The following PARP6 variants were observed in gnomAD, a reference collection of about 807,000 sequenced individuals.
The protein encoded by PARP6 is poly(ADP-ribose) polymerase family member 6, also known as protein mono-ADP-ribosyltransferase PARP6.
In PARP6, 27 loss-of-function variants were observed where a neutral mutation model predicts 92.0. The observed-to-expected ratio is 0.29, with a 90% confidence interval of 0.22 to 0.40. The LOEUF (loss-of-function observed/expected upper bound fraction) is 0.40, where lower values mean the gene tolerates loss of function less well. PARP6 is among the 10% of genes least tolerant of loss of function. PARP6 has a pLI of 1.00. For missense variants in PARP6, 501 were observed against 784.5 expected, an observed-to-expected ratio of 0.64 and a Z score of 4.32; for synonymous variants, 272 against 281.2, an observed-to-expected ratio of 0.97 and a Z score of 0.33.
intron 6 of PARP6, 41 bp from the exon 7 acceptor site, chr15:72,265,212 G>T: frequency 7.1e-7 from 1 of 1,404,958 alleles, no homozygotes; most frequent in Non-Finnish European, 1.0e-6. Flanking sequence ...TAGCAACATA[G>T]ACGAATGGAC....
rs887113801 is a variant in PARP6, at chr15:72,241,529, T to C, written c.1819A>G (p.Asn607Asp). The change falls in exon 24 of 24, where the codon AAC becomes GAC. Residue 607 changes from asparagine to aspartate, a missense_variant. Asn to Asp is a conservative substitution (Grantham distance 23). Around this residue, in one of 4 missense-constraint regions of PARP6, gnomAD observed 191 missense variants for 399.1 expected, o/e 0.48. Transcript: ENST00000569795. This position sits in a 1 kb window ranked among gnomAD's most constrained non-coding sequence, Gnocchi z 4.1. Reference protein sequence around the residue: ...VYEDGQVGDANINTQDPKIQK... With the variant: ...VYEDGQVGDADINTQDPKIQK... Reference sequence around the variant, plus strand: ...ATCTTGGGGTCCTGAGTATTAATGTTGGCATCGCCCACCTGACCATCCTCA... The same window carrying C: ...ATCTTGGGGTCCTGAGTATTAATGTCGGCATCGCCCACCTGACCATCCTCA... 4 of 1,613,906 alleles carry C rather than the reference T, an allele frequency of 2.5e-6. No homozygotes were observed. In the African/African-American group the frequency reaches 4.0e-5, roughly 16 times the overall value.
intron 20 of PARP6, among the ~76,000 whole-genome samples, chr15:72,246,067 AT>A (rs2083565407): frequency 6.6e-6 from 1 of 152,234 alleles, no homozygotes; most frequent in Non-Finnish European, 1.5e-5. Flanking sequence ...ACAGAGTAAG[AT>A]TCACTCATAT....
intron 7 of PARP6, 22 bp from the exon 8 acceptor site, chr15:72,264,643 A>G (rs1320168873): frequency 1.3e-6 from 2 of 1,592,578 alleles, no homozygotes; most frequent in Non-Finnish European, 1.7e-6. Context: ...AGAGAAGGCT[A>G]CTAGTAAGTA....
intron 15 of PARP6, chr15:72,253,939 A>G (rs910062844): frequency 6.4e-5 from 28 of 439,828 alleles, no homozygotes; most frequent in African/African-American, 5.6e-4. Flanking sequence ...ATTTGCTGAG[A>G]AGAGGCCCAC....
chr15:72,260,409 A>G, intron 10 of PARP6, 69 bp downstream of exon 10: 1 of 1,302,894 alleles, frequency 7.7e-7, no homozygotes. Flanking sequence ...CCATTTTGAG[A>G]AACTACACTC....
chr15:72,265,319 C>T, intron 6 of PARP6, 94 bp downstream of exon 6: 1 of 1,169,448 alleles, frequency 8.6e-7, no homozygotes, highest in Non-Finnish European at 1.3e-6. Flanking sequence ...ATATGTGCTC[C>T]AAATACAGCA....
At chr15:72,271,831 T>C (rs568814931) in intron 1 of PARP6, among the ~76,000 whole-genome samples, 1 of 152,332 alleles carries the variant, frequency 6.6e-6, no homozygotes, top group South Asian at 2.1e-4. Flanking sequence ...CAGCGGCTAA[T>C]ATAGAACGCT....
chr15:72,250,708 C>T, intron 18 of PARP6, 137 bp downstream of exon 18: 2 of 625,116 alleles, frequency 3.2e-6, no homozygotes, highest in Non-Finnish European at 5.8e-6. Context: ...TCTATAGCAC[C>T]TACCACAATA....
In PARP6 at chr15:72,263,880, G is replaced by A. The variant is rs961240764; in HGVS notation, c.395+675C>T. Among the ~76,000 whole-genome samples the A allele has an allele frequency of 9.2e-5, 14 of 152,014 alleles. 1 individual carries two copies. The highest frequency in any genetic ancestry group is 6.2e-4 in the South Asian group (3 of 4,808). ...TCTACTAAAAATACAAAAATTAGCC[G>A]GGCATGGTGGTGGGTGACTGTAATC... On this transcript the variant is annotated intron_variant, in intron 8 of 23. Coordinates refer to ENST00000569795, the MANE Select transcript of PARP6 (RefSeq NM_001323532.2).
Position 72,256,535 on chromosome 15 carries a change from C to T in PARP6, c.1055G>A (p.Ser352Asn). The T allele has an allele frequency of 6.3e-7, 1 of 1,596,382 alleles. No homozygotes were observed. The highest frequency in any genetic ancestry group is 8.5e-7 in the Non-Finnish European group (1 of 1,172,322). ...AGAGGGATAAGGCTCAAAGATGATG[C>T]TCTTTCTAGGGGACTCTAAAGCTGC... ...CRAALESPRK[S>N]IIFEPYPSVV... Residue 352 changes from serine to asparagine, a missense_variant, in exon 14 of 24, where the codon AGC becomes AAC. This residue lies in a region of PARP6 where 191 missense variants were observed against 399.1 expected (regional missense o/e 0.48). Coordinates refer to ENST00000569795, the MANE Select transcript of PARP6 (RefSeq NM_001323532.2).
At chr15:72,253,807 C>T in intron 15 of PARP6, 1 of 529,054 alleles carries the variant, frequency 1.9e-6, no homozygotes, top group South Asian at 1.6e-5. Flanking sequence ...AATCAATGTC[C>T]CAAGAAGATT....
At chr15:72,254,732 A>G (rs1370122222) in intron 14 of PARP6, among the ~76,000 whole-genome samples, 4 of 152,238 alleles carry the variant, frequency 2.6e-5, no homozygotes, top group Non-Finnish European at 5.9e-5. Flanking sequence ...TTGGCCTCTT[A>G]GAACCTTTAG....
chr15:72,264,138 C>A (rs1421587746), intron 8 of PARP6, among the ~76,000 whole-genome samples: 1 of 152,046 alleles, frequency 6.6e-6, no homozygotes, highest in East Asian at 1.9e-4. Context: ...ATCCAGTGGA[C>A]TCTATTTGAA....
chr15:72,258,721 C>T (rs189012379), intron 11 of PARP6, among the ~76,000 whole-genome samples: 37 of 151,632 alleles, frequency 2.4e-4, no homozygotes, highest in African/African-American at 7.3e-4. Context: ...TATCCTACAG[C>T]GTTTTTTTTG....
chr15:72,264,666 C>A (rs1403285904), intron 7 of PARP6, 45 bp from the exon 8 acceptor site: 1 of 1,496,794 alleles, frequency 6.7e-7, no homozygotes, highest in African/African-American at 1.4e-5. Flanking sequence ...TATCTCTTGT[C>A]TTCCTGGAGT....
At chr15:72,261,742 G>T in intron 8 of PARP6, 35 bp from the exon 9 acceptor site, 1 of 1,607,640 alleles carries the variant, frequency 6.2e-7, no homozygotes, top group Non-Finnish European at 8.5e-7. Flanking sequence ...TAGGCAAGAT[G>T]AGGCAGGGTC....
intron 3 of PARP6, 41 bp from the exon 4 acceptor site, chr15:72,266,863 C>CTA (rs770846744): frequency 1.4e-6 from 2 of 1,470,720 alleles, no homozygotes; most frequent in South Asian, 2.3e-5. Context: ...TGTTAGGTCC[C>CTA]TATTATCCCA....
intron 9 of PARP6, 90 bp downstream of exon 9, chr15:72,261,468 G>C (rs1370011848): frequency 1.0e-5 from 12 of 1,152,176 alleles, no homozygotes. Context: ...TCAGGGAAGA[G>C]AGGGGATAGA....
At chr15:72,257,166 T>C (rs759810652) in intron 13 of PARP6, among the ~76,000 whole-genome samples, 182 bp downstream of exon 13, 1 of 152,262 alleles carries the variant, frequency 6.6e-6, no homozygotes, top group Non-Finnish European at 1.5e-5. Flanking sequence ...CGATATCCCA[T>C]AATTTCTTTA....
Sources: gnomAD v4.1 joint callset for allele counts (sites outside exome capture counted in the v4.1 genomes callset) on GRCh38, gnomAD v4.1.1 for gene constraint, gnomAD v4.1.1 regional missense constraint, Gnocchi (gnomAD v3.1) non-coding constraint, MANE v1.5 for transcripts, NCBI Gene and HGNC (gene_info 2026-07-23, HGNC 2026-07-21) for gene names.